The following PLEKHH2 variants were observed in gnomAD, a reference collection of about 807,000 sequenced individuals.
The protein encoded by PLEKHH2 is pleckstrin homology, MyTH4 and FERM domain containing H2, also known as pleckstrin homology domain-containing family H member 2.
In PLEKHH2, 129 loss-of-function variants were observed where a neutral mutation model predicts 187.9. The observed-to-expected ratio is 0.69, with a 90% CI of 0.59 to 0.79. PLEKHH2 has a LOEUF of 0.79. PLEKHH2 is among the 30% of genes least tolerant of loss of function. The probability of loss-of-function intolerance (pLI) is 0.00; values close to 1 mark genes in which losing one functional copy is unlikely to be tolerated. For missense variants in PLEKHH2, 2,076 were observed against 1,751.2 expected (o/e 1.19, Z -3.31); for synonymous variants, 686 against 605.6 (o/e 1.13, Z -1.95).
intron 3 of PLEKHH2, among the ~76,000 whole-genome samples, chr2:43,682,006 C>A (rs547804026): frequency 6.6e-6 from 1 of 152,168 alleles, no homozygotes; most frequent in African/African-American, 2.4e-5. Flanking sequence ...CCCGCATCAC[C>A]CACTTCAACA....
chr2:43,718,710 A>G (rs1670331688), intron 15 of PLEKHH2, among the ~76,000 whole-genome samples: 1 of 152,184 alleles, frequency 6.6e-6, no homozygotes, highest in African/African-American at 2.4e-5. Flanking sequence ...AGCCAGATGC[A>G]TTATACTTCA....
chr2:43,704,245 G>A (rs537048012), intron 9 of PLEKHH2, among the ~76,000 whole-genome samples, 189 bp downstream of exon 9: 121 of 152,302 alleles, frequency 7.9e-4, no homozygotes, highest in South Asian at 1.5e-3. Flanking sequence ...CAGGGTGTGC[G>A]TGGAGAAGCG....
intron 7 of PLEKHH2, 97 bp downstream of exon 7, chr2:43,697,453 T>C (rs1487932999): frequency 4.0e-6 from 4 of 987,882 alleles, no homozygotes; most frequent in Non-Finnish European, 5.7e-6. Flanking sequence ...TCCTTATTTT[T>C]TTCTGACAAT....
At chr2:43,647,274 A>G (rs944165977) in intron 2 of PLEKHH2, among the ~76,000 whole-genome samples, 6 of 152,230 alleles carry the variant, frequency 3.9e-5, no homozygotes, top group African/African-American at 1.4e-4. Context: ...TAACTATCCT[A>G]TGAGGTAGTT....
chr2:43,675,765 G>T (rs759596821), intron 2 of PLEKHH2: 9 of 1,613,580 alleles, frequency 5.6e-6, no homozygotes, highest in Non-Finnish European at 7.6e-6. Context: ...CTCTGCTTAA[G>T]ACAATCCCTC....
At chr2:43,652,626 G>A (rs1314931304) in intron 2 of PLEKHH2, among the ~76,000 whole-genome samples, 1 of 152,194 alleles carries the variant, frequency 6.6e-6, no homozygotes, top group Non-Finnish European at 1.5e-5. Flanking sequence ...CCAACAGGGA[G>A]CCCAGCCAGA....
intron 2 of PLEKHH2, chr2:43,658,965 T>C (rs966983335): frequency 7.0e-6 from 1 of 143,014 alleles, no homozygotes; most frequent in African/African-American, 2.7e-5. Context: ...TAAGACTTTT[T>C]TTTCTTTCTT....
intron 19 of PLEKHH2, among the ~76,000 whole-genome samples, chr2:43,736,841 A>G (rs988400109): frequency 2.0e-5 from 3 of 151,860 alleles, no homozygotes; most frequent in African/African-American, 7.3e-5. Flanking sequence ...AAATCAATCA[A>G]TCACAGGGCT....
chr2:43,719,758 G>A (rs186882152), intron 15 of PLEKHH2, among the ~76,000 whole-genome samples: 1 of 152,258 alleles, frequency 6.6e-6, no homozygotes, highest in African/African-American at 2.4e-5. Flanking sequence ...CACTTCTAAT[G>A]TTAGAGTGTT....
At chr2:43,654,001 G>A (rs1438553167) in intron 2 of PLEKHH2, among the ~76,000 whole-genome samples, 1 of 152,108 alleles carries the variant, frequency 6.6e-6, no homozygotes, top group Non-Finnish European at 1.5e-5. Context: ...TTGTTTGGAT[G>A]GATGGCAAGG....
intron 2 of PLEKHH2, among the ~76,000 whole-genome samples, chr2:43,671,591 GT>G (rs1381599793): frequency 6.6e-6 from 1 of 152,042 alleles, no homozygotes; most frequent in Non-Finnish European, 1.5e-5. Flanking sequence ...TTAGTTATAG[GT>G]TTTTTTGTAG....
chr2:43,708,283 T>C (rs941156314), intron 11 of PLEKHH2, among the ~76,000 whole-genome samples: 1 of 152,236 alleles, frequency 6.6e-6, no homozygotes, highest in Non-Finnish European at 1.5e-5. Flanking sequence ...ACAACGGCTA[T>C]AAGGTGTTCC....
At chr2:43,706,139 T>TA (rs1359310248) in intron 9 of PLEKHH2, among the ~76,000 whole-genome samples, 183 bp from the exon 10 acceptor site, 4 of 152,148 alleles carry the variant, frequency 2.6e-5, no homozygotes, top group Non-Finnish European at 5.9e-5. Context: ...ATGAACCATG[T>TA]AAAAAAGTGT....
intron 2 of PLEKHH2, among the ~76,000 whole-genome samples, chr2:43,652,547 A>T (rs1666534213): frequency 6.6e-6 from 1 of 152,100 alleles, no homozygotes; most frequent in South Asian, 2.1e-4. Flanking sequence ...CTACAGGAGG[A>T]GATAGAAGTC....
chr2:43,714,588 A>G (rs1320146066), intron 15 of PLEKHH2, among the ~76,000 whole-genome samples: 1 of 152,230 alleles, frequency 6.6e-6, no homozygotes, highest in Admixed American at 6.5e-5. Context: ...AGTACAGAAT[A>G]ATATAGGTAG....
chr2:43,666,257 T>G (rs1667200146), intron 2 of PLEKHH2, among the ~76,000 whole-genome samples: 1 of 151,120 alleles, frequency 6.6e-6, no homozygotes, highest in Non-Finnish European at 1.5e-5. Context: ...CCGTCACCCC[T>G]TTCTTTGACT....
At chr2:43,728,219 C>T (rs192936120) in intron 17 of PLEKHH2, among the ~76,000 whole-genome samples, 26 of 152,124 alleles carry the variant, frequency 1.7e-4, no homozygotes, top group African/African-American at 6.3e-4. Flanking sequence ...TGTCTCACGC[C>T]TGTAATCCCA....
Position 43,729,644 on chromosome 2 carries a change from G to A in PLEKHH2, c.2729G>A (p.Trp910Ter), listed in dbSNP as rs762015608. ...LIGSKHEKDT[W>*]LYHLTVAAGS... Reference sequence around the variant, plus strand: ...ATATGTTCTGGTTTTAAGGACACTTGGCTTTATCATCTGACTGTTGCAGCT... The same window carrying A: ...ATATGTTCTGGTTTTAAGGACACTTAGCTTTATCATCTGACTGTTGCAGCT... The change falls in exon 18 of 30, where the codon TGG becomes TAG. Residue 910 changes from tryptophan (W) to a stop codon, truncating the protein, a stop_gained. Transcript: ENST00000282406. LOFTEE classifies it high-confidence loss of function. The A allele has an allele frequency of 3.1e-6, 5 of 1,589,806 alleles. No homozygotes were observed. Among genetic ancestry groups the A allele is most frequent in the Non-Finnish European group, 4.3e-6 (5 of 1,170,492 alleles).
chr2:43,730,519 C>A (rs1425701366), intron 18 of PLEKHH2, among the ~76,000 whole-genome samples: 1 of 152,216 alleles, frequency 6.6e-6, no homozygotes, highest in Non-Finnish European at 1.5e-5. Context: ...CTGCCTCAGC[C>A]TCCTGAGTAG....
Sources: gnomAD v4.1 joint callset for allele counts (sites outside exome capture counted in the v4.1 genomes callset) on GRCh38, gnomAD v4.1.1 for gene constraint, MANE v1.5 for transcripts, NCBI Gene and HGNC (gene_info 2026-07-23, HGNC 2026-07-21) for gene names.